CDH6: variants seen among roughly 807,000 people sequenced by gnomAD.
CDH6 encodes the protein cadherin 6.
CDH6 carries 31 observed loss-of-function variants against 78.0 expected under a neutral mutation model. That is an observed-to-expected ratio of 0.40 (90% CI 0.30 to 0.54). The LOEUF is 0.54. Among genes scored for constraint, CDH6 ranks in the 20% least tolerant of loss-of-function variants. The pLI is 0.56. For synonymous variants in CDH6, 376 were observed against 368.8 expected, an observed-to-expected ratio of 1.02 and a Z score of -0.23; for missense variants, 724 against 975.9, an observed-to-expected ratio of 0.74 and a Z score of 3.44.
chr5:31,233,354 A>C (rs1367436206), intron 1 of CDH6, among the ~76,000 whole-genome samples: 1 of 152,054 alleles, frequency 6.6e-6, no homozygotes, highest in Non-Finnish European at 1.5e-5. Context: ...AAAAAAAAAA[A>C]AAATACAAAA....
At chr5:31,293,682 A>AT (rs1391146130) in intron 2 of CDH6, among the ~76,000 whole-genome samples, 1 of 152,128 alleles carries the variant, frequency 6.6e-6, no homozygotes, top group Non-Finnish European at 1.5e-5. Context: ...CCACCTTGCT[A>AT]TTGCTCTTGC....
intron 6 of CDH6, among the ~76,000 whole-genome samples, chr5:31,304,033 G>C (rs945108577): frequency 6.6e-6 from 1 of 152,040 alleles, no homozygotes; most frequent in African/African-American, 2.4e-5. Context: ...ATAAGCATTT[G>C]GGTTCACCAT....
rs549329481 is a variant in CDH6, at chr5:31,265,923, C to G, written c.-128-1423C>G. 1.5e-3 allele frequency among the ~76,000 whole-genome samples: 225 copies of G among 151,612 alleles called. 1 individual carries two copies. The highest frequency in any genetic ancestry group is 0.01 in the Middle Eastern group (3 of 294). On this transcript the variant is annotated intron_variant, in intron 1 of 11. Coordinates refer to ENST00000265071, the MANE Select transcript of CDH6 (RefSeq NM_004932.4). Reference sequence around the variant, plus strand: ...CCAAGTAGCTGGGACTACAGGTGCCCGCCACCACGCCCGGCTAATTTTTTG... The same window carrying G: ...CCAAGTAGCTGGGACTACAGGTGCCGGCCACCACGCCCGGCTAATTTTTTG...
At chr5:31,213,881 A>G (rs1351379052) in intron 1 of CDH6, among the ~76,000 whole-genome samples, 2 of 152,150 alleles carry the variant, frequency 1.3e-5, no homozygotes, top group South Asian at 2.1e-4. Context: ...GCACCTGCCA[A>G]TTCTCACTGA....
At chr5:31,228,719 T>C (rs1011832902) in intron 1 of CDH6, among the ~76,000 whole-genome samples, 2 of 152,138 alleles carry the variant, frequency 1.3e-5, no homozygotes, top group African/African-American at 4.8e-5. Flanking sequence ...CAGTTCACAA[T>C]AGGGTTCGCC....
At chr5:31,216,182 A>G (rs1287264402) in intron 1 of CDH6, among the ~76,000 whole-genome samples, 1 of 152,056 alleles carries the variant, frequency 6.6e-6, no homozygotes, top group Non-Finnish European at 1.5e-5. Flanking sequence ...AAATGAAATA[A>G]TTTCAGAGTT....
At chr5:31,195,083 T>C (rs1471454548) in intron 1 of CDH6, among the ~76,000 whole-genome samples, 1 of 150,088 alleles carries the variant, frequency 6.7e-6, no homozygotes, top group Middle Eastern at 3.4e-3. Flanking sequence ...CCTACTCCCA[T>C]TAAAAAAAAA....
intron 7 of CDH6, among the ~76,000 whole-genome samples, chr5:31,307,832 T>C (rs1400862197): frequency 1.3e-5 from 2 of 152,216 alleles, no homozygotes; most frequent in Non-Finnish European, 2.9e-5. Flanking sequence ...TCTATATTAC[T>C]TTTCATACCA....
At chr5:31,309,196 A>T (rs1738080183) in intron 7 of CDH6, among the ~76,000 whole-genome samples, 1 of 152,172 alleles carries the variant, frequency 6.6e-6, no homozygotes, top group Admixed American at 6.5e-5. Context: ...TTGATATTAT[A>T]CCCATTGTGA....
chr5:31,194,072 G>T (rs1317074205), intron 1 of CDH6, among the ~76,000 whole-genome samples, 186 bp downstream of exon 1: 1 of 152,112 alleles, frequency 6.6e-6, no homozygotes, highest in African/African-American at 2.4e-5. Flanking sequence ...CTGCGCGGGC[G>T]GCGCTGCTGC....
intron 1 of CDH6, among the ~76,000 whole-genome samples, chr5:31,237,526 A>G (rs531892646): frequency 5.8e-4 from 88 of 152,314 alleles, no homozygotes; most frequent in African/African-American, 2.0e-3. Flanking sequence ...CACCAACAGT[A>G]ATAAATCTGA....
intron 2 of CDH6, among the ~76,000 whole-genome samples, chr5:31,290,136 T>C (rs1743118205): frequency 6.6e-6 from 1 of 152,080 alleles, no homozygotes; most frequent in Non-Finnish European, 1.5e-5. Flanking sequence ...GGTGGATGCC[T>C]GTAATCCCAG....
intron 2 of CDH6, among the ~76,000 whole-genome samples, chr5:31,284,333 A>T (rs987518222): frequency 6.6e-6 from 1 of 152,236 alleles, no homozygotes; most frequent in Non-Finnish European, 1.5e-5. Flanking sequence ...GGACATTCCC[A>T]AAACCAAGGA....
rs1290502589 is a variant in CDH6 at position 31,326,604 on chromosome 5, A to C, written c.*3296A>C. 1 of 183,220 alleles carries C rather than the reference A, an allele frequency of 5.5e-6. No individual in the cohort carries two copies. Among genetic ancestry groups the C allele is most frequent in the Admixed American group, 6.3e-5 (1 of 15,904 alleles). 11.3% of individuals were successfully genotyped at this position (183,220 alleles called of 1,614,324 possible). A position where few individuals can be genotyped will look rare whatever the true frequency, so the allele number is the denominator to read the frequency against. ...CAGATGGAACAAAACCTGCCCATTT[A>C]ATTTTAACGCAGTATAAAAAACGTG... is the stretch of plus-strand genomic sequence containing the variant. On this transcript the variant is annotated 3_prime_UTR_variant, in exon 12 of 12. Transcript: ENST00000265071.
chr5:31,227,721 T>C (rs1741192438), intron 1 of CDH6, among the ~76,000 whole-genome samples: 1 of 152,192 alleles, frequency 6.6e-6, no homozygotes, highest in South Asian at 2.1e-4. Context: ...AGCCACAAGC[T>C]GTGGCCGTGC....
At chr5:31,304,568 C>A (rs572238703) in intron 6 of CDH6, among the ~76,000 whole-genome samples, 2 of 151,682 alleles carry the variant, frequency 1.3e-5, no homozygotes, top group East Asian at 3.9e-4. Context: ...GCCTGTAGTC[C>A]CAGCTACTCG....
intron 7 of CDH6, among the ~76,000 whole-genome samples, chr5:31,312,553 T>C (rs1738188372): frequency 6.6e-6 from 1 of 152,152 alleles, no homozygotes; most frequent in Admixed American, 6.5e-5. Context: ...TAGCAGGGCA[T>C]GGTGACACGC....
intron 2 of CDH6, among the ~76,000 whole-genome samples, chr5:31,275,627 C>T (rs1293204332): frequency 6.6e-6 from 1 of 152,122 alleles, no homozygotes; most frequent in East Asian, 1.9e-4. Flanking sequence ...AGGTTGATTC[C>T]ATGTCTTTGC....
In CDH6 at chr5:31,324,787, G is replaced by A. The variant is rs1239034958; in HGVS notation, c.*1479G>A. 1 of 206,190 alleles carries A rather than the reference G, an allele frequency of 4.8e-6. No homozygotes were observed. The highest frequency in any genetic ancestry group is 9.9e-6 in the Non-Finnish European group (1 of 100,940). The allele number at this position is 206,190 out of a possible 1,614,324, so 12.8% of individuals were successfully genotyped here. A position where few individuals can be genotyped will look rare whatever the true frequency, so the allele number is the denominator to read the frequency against. On this transcript the variant is annotated 3_prime_UTR_variant, in exon 12 of 12. Transcript: ENST00000265071. ...CAACTGAACTGAACTAATCCTTCTGGCAGATTCAAATCGTTTATTTCACAC... is the reference window on the plus strand; with the variant it reads ...CAACTGAACTGAACTAATCCTTCTGACAGATTCAAATCGTTTATTTCACAC...
Sources: allele counts gnomAD v4.1 joint callset (sites outside exome capture counted in the v4.1 genomes callset), GRCh38; gene constraint gnomAD v4.1.1; transcripts MANE v1.5; gene names NCBI Gene and HGNC (gene_info 2026-07-23, HGNC 2026-07-21).